The following IL36B variants were observed in gnomAD, a reference collection of about 807,000 sequenced individuals.
The protein encoded by IL36B is interleukin-36 beta.
A neutral mutation model predicts 19.3 loss-of-function variants in IL36B; 23 were observed. That is an observed-to-expected ratio of 1.19 (90% CI 0.86 to 1.69). The LOEUF is 1.69. IL36B is among the 40% of genes most tolerant of loss of function. IL36B has a pLI of 0.00. For synonymous variants in IL36B, 59 were observed against 59.7 expected (o/e 0.99, Z 0.05); for missense variants, 217 against 200.5 (o/e 1.08, Z -0.50).
At chr2:113,034,887 G>T (rs1685140012) in intron 1 of IL36B, among the ~76,000 whole-genome samples, 1 of 152,192 alleles carries the variant, frequency 6.6e-6, no homozygotes. Flanking sequence ...GCTCACCTTG[G>T]CTCCTTGGCC....
At chr2:113,033,514 C>G (rs749342815) in intron 1 of IL36B, among the ~76,000 whole-genome samples, 6 of 152,236 alleles carry the variant, frequency 3.9e-5, no homozygotes, top group Non-Finnish European at 5.9e-5. Flanking sequence ...ACTAGGATTA[C>G]AGGCGTGAGC....
chr2:113,037,076 G>T (rs1333501910), intron 1 of IL36B, among the ~76,000 whole-genome samples: 2 of 152,246 alleles, frequency 1.3e-5, no homozygotes, highest in Admixed American at 6.5e-5. Context: ...GCTCAGAAGT[G>T]CTTAAGAACC....
rs147908669 is a variant in IL36B at position 113,048,615 on chromosome 2, G to A, written c.-58+4202C>T. ...GAGTAAAACAAGCTCAAAGCAAGGA[G>A]TGGGAAAGAAATTTATAAGATCGGA... On this transcript the variant is annotated intron_variant, in intron 1 of 5. Transcript: ENST00000259213. 1.6e-4 allele frequency among the ~76,000 whole-genome samples: 24 copies of A among 152,274 alleles called. 1 individual carries two copies. The East Asian group carries it at 4.4e-3, about 28-fold the overall frequency.
intron 1 of IL36B, among the ~76,000 whole-genome samples, chr2:113,051,849 T>TG (rs1433284229): frequency 6.6e-6 from 1 of 151,924 alleles, no homozygotes; most frequent in African/African-American, 2.4e-5. Context: ...CTCCAGGGAG[T>TG]GATAAATTCC....
At chr2:113,026,800 A>T (rs887592400) in intron 4 of IL36B, among the ~76,000 whole-genome samples, 7 of 152,214 alleles carry the variant, frequency 4.6e-5, no homozygotes, top group South Asian at 2.1e-4. Context: ...AAACAAAAAA[A>T]CATTCAGTTC....
chr2:113,034,134 A>G (rs1685126310), intron 1 of IL36B, among the ~76,000 whole-genome samples: 1 of 152,076 alleles, frequency 6.6e-6, no homozygotes, highest in Non-Finnish European at 1.5e-5. Flanking sequence ...AGCCCTCACC[A>G]AGCCCACATG....
chr2:113,044,074 A>G (rs1393020092), intron 1 of IL36B, among the ~76,000 whole-genome samples: 3 of 152,278 alleles, frequency 2.0e-5, no homozygotes, highest in Non-Finnish European at 4.4e-5. Context: ...CTTTTTAATA[A>G]TATTGAATCC....
chr2:113,033,350 G>A (rs958431618), intron 1 of IL36B, among the ~76,000 whole-genome samples: 1 of 152,160 alleles, frequency 6.6e-6, no homozygotes, highest in South Asian at 2.1e-4. Context: ...TCCTGCCTCA[G>A]CCTCCCGAGT....
intron 1 of IL36B, among the ~76,000 whole-genome samples, chr2:113,042,736 G>A (rs143130537): frequency 6.6e-6 from 1 of 152,176 alleles, no homozygotes; most frequent in Non-Finnish European, 1.5e-5. Context: ...ATTACAAATA[G>A]AGCTACTATG....
At chr2:113,036,005 C>T (rs573239101) in intron 1 of IL36B, among the ~76,000 whole-genome samples, 11 of 152,238 alleles carry the variant, frequency 7.2e-5, no homozygotes, top group East Asian at 5.8e-4. Flanking sequence ...TGCAGTGGCG[C>T]GATCTTGGCT....
intron 1 of IL36B, among the ~76,000 whole-genome samples, chr2:113,041,212 G>C (rs1389999036): frequency 6.6e-6 from 1 of 150,560 alleles, no homozygotes; most frequent in East Asian, 1.9e-4. Flanking sequence ...CTTGGAGAAA[G>C]ATGATCCAAG....
intron 5 of IL36B, among the ~76,000 whole-genome samples, chr2:113,023,353 G>A (rs6710007): frequency 0.48 from 73,725 of 152,110 alleles, 20,131 homozygotes; most frequent in East Asian, 0.7. Context: ...AAACTACATG[G>A]TGAGTTTGGA....
chr2:113,038,900 C>T (rs1685200975), intron 1 of IL36B, among the ~76,000 whole-genome samples: 1 of 152,156 alleles, frequency 6.6e-6, no homozygotes, highest in African/African-American at 2.4e-5. Context: ...TCCATCTATG[C>T]TTGTTTTAGG....
At chr2:113,027,391 A>T in intron 4 of IL36B, 42 bp downstream of exon 5, 1 of 850,880 alleles carries the variant, frequency 1.2e-6, no homozygotes, top group Non-Finnish European at 1.4e-6. Flanking sequence ...TTAAGTGTAT[A>T]CACTGTGTGT....
chr2:113,045,360 A>T (rs1685332119), intron 1 of IL36B, among the ~76,000 whole-genome samples: 1 of 152,114 alleles, frequency 6.6e-6, no homozygotes, highest in Non-Finnish European at 1.5e-5. Context: ...ATGTATTTGT[A>T]TGCATTGTGT....
chr2:113,031,759 T>G lies in IL36B; in HGVS notation c.-50A>C. On this transcript the variant is annotated 5_prime_UTR_variant, in exon 2 of 6. Coordinates refer to ENST00000259213, the MANE Select transcript of IL36B (RefSeq NM_014438.5). ...GAGAACAAGATAGATCAGATGGTGGTGAGGAGGCTGTTAACAGTTGGCCAT... is the reference window on the plus strand; with the variant it reads ...GAGAACAAGATAGATCAGATGGTGGGGAGGAGGCTGTTAACAGTTGGCCAT... 1 of 1,486,512 alleles carries G rather than the reference T, an allele frequency of 6.7e-7. No individual in the cohort carries two copies. The highest frequency in any genetic ancestry group is 9.4e-7 in the Non-Finnish European group (1 of 1,067,628). The allele number at this position is 1,486,512 out of a possible 1,614,324, so 92.1% of individuals were successfully genotyped here. A position where few individuals can be genotyped will look rare whatever the true frequency, so the allele number is the denominator to read the frequency against.
At chr2:113,034,654 T>C (rs1685134914) in intron 1 of IL36B, among the ~76,000 whole-genome samples, 1 of 152,160 alleles carries the variant, frequency 6.6e-6, no homozygotes, top group Non-Finnish European at 1.5e-5. Flanking sequence ...ATGTAGTATC[T>C]CATGAATAAG....
Position 113,029,068 on chromosome 2 carries a change from A to G in IL36B, c.132T>C (p.His44=). The change falls in exon 4 of 6, where the codon CAT becomes CAC. Residue 44 remains histidine (H), a synonymous_variant. Coordinates refer to ENST00000259213, the MANE Select transcript of IL36B (RefSeq NM_014438.5). ...ATTCTGTGTCTCTACAGGCTATTAA[A>G]TGAAGAGTGACTGGAAACACAAAGG... 1.2e-6 allele frequency: 2 copies of G among 1,612,146 alleles called. No homozygotes were observed. The highest frequency in any genetic ancestry group is 1.7e-6 in the Non-Finnish European group (2 of 1,179,284).
intron 1 of IL36B, among the ~76,000 whole-genome samples, chr2:113,047,635 T>C (rs1292064250): frequency 6.6e-6 from 1 of 152,200 alleles, no homozygotes; most frequent in Non-Finnish European, 1.5e-5. Context: ...TTGGGAATGA[T>C]AAGGTTTTCC....
Sources: gnomAD v4.1 joint callset for allele counts (sites outside exome capture counted in the v4.1 genomes callset) on GRCh38, gnomAD v4.1.1 for gene constraint, MANE v1.5 for transcripts, NCBI Gene and HGNC (gene_info 2026-07-23, HGNC 2026-07-21) for gene names.